The following HAT1 variants were observed in gnomAD, a reference collection of about 807,000 sequenced individuals.
HAT1 encodes the protein histone acetyltransferase 1, also known as histone acetyltransferase type B catalytic subunit.
In HAT1, 20 loss-of-function variants were observed where a neutral mutation model predicts 56.6. That is an observed-to-expected ratio of 0.35 (90% CI 0.25 to 0.51). The LOEUF (loss-of-function observed/expected upper bound fraction) is 0.51, where lower values mean the gene tolerates loss of function less well. Ranked by LOEUF, HAT1 falls within the 20% of genes least tolerant of loss-of-function variation. The probability of loss-of-function intolerance (pLI) is 0.95; values close to 1 mark genes in which losing one functional copy is unlikely to be tolerated. For synonymous variants in HAT1, 146 were observed against 165.5 expected (o/e 0.88, Z 0.91); for missense variants, 408 against 504.3 (o/e 0.81, Z 1.83).
chr2:171,957,145 A>G (rs188393426), intron 4 of HAT1, among the ~76,000 whole-genome samples: 15 of 152,320 alleles, frequency 9.8e-5, no homozygotes, highest in Non-Finnish European at 2.1e-4. Context: ...AAATGAAGGA[A>G]GGCTGTATGA....
chr2:171,926,263 G>A (rs191629225), intron 2 of HAT1, among the ~76,000 whole-genome samples: 4 of 152,156 alleles, frequency 2.6e-5, no homozygotes, highest in South Asian at 2.1e-4. Context: ...GAGACCACAG[G>A]TGTGCACCAC....
intron 4 of HAT1, chr2:171,964,835 T>C (rs1020709929): frequency 2.1e-5 from 3 of 143,310 alleles, no homozygotes; most frequent in African/African-American, 8.5e-5. Context: ...TAAATATGTA[T>C]ATTTTTAAGT....
chr2:171,965,708 C>A, intron 5 of HAT1, 79 bp from the exon 6 acceptor site: 2 of 1,359,502 alleles, frequency 1.5e-6, no homozygotes, highest in Non-Finnish European at 2.0e-6. Flanking sequence ...CATTTTCCCA[C>A]AGGATAATTT....
In HAT1 at chr2:171,949,793, G is replaced by A. The variant is rs569110146; in HGVS notation, c.188+3010G>A. 1.7e-4 allele frequency among the ~76,000 whole-genome samples: 26 copies of A among 152,074 alleles called. 1 individual carries two copies. In the South Asian group the frequency reaches 5.2e-3, roughly 30 times the overall value. On this transcript the variant is annotated intron_variant, in intron 3 of 10. Transcript: ENST00000264108. ...GCTGGGATTACAGGCGTGAACCACC[G>A]CACCTGGCTAAGGAGTCTTTTACAA...
Position 171,952,927 on chromosome 2 carries a change from A to T in HAT1, c.235A>T (p.Ile79Phe). 6.3e-7 allele frequency: 1 copy of T among 1,594,220 alleles called. No individual in the cohort carries two copies. Among genetic ancestry groups the T allele is most frequent in the Non-Finnish European group, 8.6e-7 (1 of 1,162,366 alleles). ...GGGTCTAAAGATCCTGTTATACTATATTGCTGGTAGCCTGTCAACAATGTT... is the reference window on the plus strand; with the variant it reads ...GGGTCTAAAGATCCTGTTATACTATTTTGCTGGTAGCCTGTCAACAATGTT... ...YKGLKILLYYIAGSLSTMFRV... is the reference protein window; with the variant it reads ...YKGLKILLYYFAGSLSTMFRV... The change falls in exon 4 of 11, where the codon ATT (isoleucine) becomes TTT (phenylalanine). Residue 79 changes from isoleucine (I) to phenylalanine (F), a missense_variant. By Grantham distance (21) the Ile-to-Phe change is conservative (BLOSUM62 0). Coordinates refer to ENST00000264108, the MANE Select transcript of HAT1 (RefSeq NM_003642.4).
At chr2:171,958,052 A>G (rs1454925493) in intron 4 of HAT1, among the ~76,000 whole-genome samples, 1 of 152,084 alleles carries the variant, frequency 6.6e-6, no homozygotes, top group Non-Finnish European at 1.5e-5. Context: ...TGCCACCCCT[A>G]TGCCCCATCT....
chr2:171,970,409 A>G (rs1687783110), intron 8 of HAT1, among the ~76,000 whole-genome samples: 1 of 151,344 alleles, frequency 6.6e-6, no homozygotes, highest in African/African-American at 2.4e-5. Flanking sequence ...TCTCAAAAAA[A>G]CACACAGATT....
At chr2:171,953,064 G>T (rs1487221987) in intron 4 of HAT1, 63 bp downstream of exon 4, 4 of 1,197,906 alleles carry the variant, frequency 3.3e-6, no homozygotes, top group Non-Finnish European at 3.5e-6. Flanking sequence ...TAGGTTTTAG[G>T]CCAGGTGCGG....
chr2:171,926,639 A>C (rs1686600909), intron 2 of HAT1, among the ~76,000 whole-genome samples: 1 of 152,086 alleles, frequency 6.6e-6, no homozygotes, highest in Non-Finnish European at 1.5e-5. Flanking sequence ...CTATGTGTCC[A>C]GGCTCATCTT....
At chr2:171,982,859 A>G (rs1416639364) in intron 10 of HAT1, among the ~76,000 whole-genome samples, 1 of 152,166 alleles carries the variant, frequency 6.6e-6, no homozygotes, top group Non-Finnish European at 1.5e-5. Context: ...AATGTCTTCT[A>G]TCTATTAAGC....
intron 9 of HAT1, among the ~76,000 whole-genome samples, chr2:171,978,926 A>G (rs1403318427): frequency 6.6e-6 from 1 of 151,056 alleles, no homozygotes; most frequent in Non-Finnish European, 1.5e-5. Flanking sequence ...TTTCTACAAA[A>G]AAAAAAAAAA....
At chr2:171,938,802 G>A (rs745377895) in intron 2 of HAT1, among the ~76,000 whole-genome samples, 12 of 151,922 alleles carry the variant, frequency 7.9e-5, no homozygotes, top group African/African-American at 1.9e-4. Flanking sequence ...GTGCAGTGGT[G>A]CAGTCTCAGC....
Position 171,979,280 on chromosome 2 carries a change from C to A in HAT1, c.1009C>A (p.Leu337Ile). The change falls in exon 10 of 11, where the codon CTA becomes ATA. Residue 337 changes from leucine to isoleucine, a missense_variant. Physicochemically the swap from Leu to Ile is conservative, Grantham distance 5. Transcript: ENST00000264108. ...TAGAAGGGTTTATGAAATTCTTCGA[C>A]TACTGGTAACTGACATGAGTGATGC... ...HARRVYEILR[L>I]LVTDMSDAEQ... 6.3e-7 allele frequency: 1 copy of A among 1,590,072 alleles called. No homozygotes were observed. Among genetic ancestry groups the A allele is most frequent in the Non-Finnish European group, 8.6e-7 (1 of 1,167,862 alleles).
Position 171,925,884 on chromosome 2 carries a change from G to A in HAT1, c.112+243G>A, listed in dbSNP as rs556448661. 6.6e-5 allele frequency among the ~76,000 whole-genome samples: 10 copies of A among 152,206 alleles called. No individual in the cohort carries two copies. In the South Asian group the frequency reaches 2.1e-3, roughly 32 times the overall value. On this transcript the variant is annotated intron_variant, in intron 2 of 10. Transcript: ENST00000264108. ...AAGACGGTGGGGCAAAAAGTAATAAGTATATATAGTTTTAGCCTCTTAAAA... is the reference window on the plus strand; with the variant it reads ...AAGACGGTGGGGCAAAAAGTAATAAATATATATAGTTTTAGCCTCTTAAAA...
chr2:171,974,210 A>AAAAAAAAAAAAAAAAATAAAAAG (rs1687905080), intron 8 of HAT1, among the ~76,000 whole-genome samples: 1 of 72,694 alleles, frequency 1.4e-5, no homozygotes, highest in African/African-American at 4.0e-5. Context: ...AGAAAAAGAA[A>AAAAAAAAAAAAAAAAATAAAAAG]AAAAAAAAAA....
At chr2:171,971,540 G>A (rs1687816620) in intron 8 of HAT1, among the ~76,000 whole-genome samples, 1 of 152,146 alleles carries the variant, frequency 6.6e-6, no homozygotes, top group Non-Finnish European at 1.5e-5. Flanking sequence ...GGCACCATTT[G>A]TTGAACGGAG....
chr2:171,952,830 T>C (rs755533273), intron 3 of HAT1, 51 bp from the exon 4 acceptor site: 3 of 1,413,040 alleles, frequency 2.1e-6, no homozygotes, highest in Non-Finnish European at 2.9e-6. Context: ...GGTTAATACT[T>C]TTTAATGACT....
At chr2:171,964,372 C>T (rs1355900675) in intron 4 of HAT1, among the ~76,000 whole-genome samples, 2 of 152,090 alleles carry the variant, frequency 1.3e-5, no homozygotes, top group South Asian at 2.1e-4. Flanking sequence ...GCTGAACTCA[C>T]GGCAAACTCC....
intron 4 of HAT1, among the ~76,000 whole-genome samples, chr2:171,956,950 T>C (rs978970356): frequency 6.6e-6 from 1 of 152,200 alleles, no homozygotes; most frequent in Non-Finnish European, 1.5e-5. Flanking sequence ...TTGCTAGTGC[T>C]GAAGGGATTA....
Sources: gnomAD v4.1 joint callset for allele counts (sites outside exome capture counted in the v4.1 genomes callset) on GRCh38, gnomAD v4.1.1 for gene constraint, MANE v1.5 for transcripts, NCBI Gene and HGNC (gene_info 2026-07-23, HGNC 2026-07-21) for gene names.